RPA3: variants seen among roughly 807,000 people sequenced by gnomAD.
RPA3 encodes replication protein A3, also known as replication protein A 14 kDa subunit.
Under a neutral mutation model 13.7 loss-of-function variants are expected in RPA3, and 24 were observed. The ratio of observed to expected loss-of-function variants is 1.75; its 90% CI spans 1.27 to 2.46. The LOEUF (loss-of-function observed/expected upper bound fraction) is 2.46. RPA3 is among the 30% of genes most tolerant of loss of function. The pLI, the probability that RPA3 is intolerant of heterozygous loss-of-function variation, is 0.00. For synonymous variants in RPA3, 59 were observed against 51.2 expected (o/e 1.15, Z -0.65); for missense variants, 183 against 151.0 (o/e 1.21, Z -1.11).
chr7:7,689,017 T>TTAC (rs1293956127), intron 2 of RPA3, among the ~76,000 whole-genome samples: 1 of 152,206 alleles, frequency 6.6e-6, no homozygotes, highest in East Asian at 1.9e-4. Context: ...TAAGCCTGCC[T>TTAC]TACTCTGGGG....
At chr7:7,644,055 C>G (rs1452028606) in intron 4 of RPA3, among the ~76,000 whole-genome samples, 2 of 152,178 alleles carry the variant, frequency 1.3e-5, no homozygotes, top group Non-Finnish European at 2.9e-5. Context: ...AGTTTACTCT[C>G]TTACCTGGAG....
intron 4 of RPA3, among the ~76,000 whole-genome samples, chr7:7,682,965 A>G (rs372390858): frequency 5.4e-4 from 82 of 152,346 alleles, no homozygotes; most frequent in African/African-American, 1.9e-3. Flanking sequence ...CTGTTAATCT[A>G]GCAGCGTTTC....
intron 2 of RPA3, among the ~76,000 whole-genome samples, chr7:7,703,806 G>C (rs971668444): frequency 6.6e-6 from 1 of 152,124 alleles, no homozygotes; most frequent in Non-Finnish European, 1.5e-5. Context: ...AGGTAATGTG[G>C]TGGCGTGCCC....
intron 4 of RPA3, among the ~76,000 whole-genome samples, chr7:7,677,783 C>A (rs946352034): frequency 1.4e-5 from 2 of 147,930 alleles, no homozygotes; most frequent in African/African-American, 5.0e-5. Context: ...ACGCCATTCT[C>A]CTGCCTCAGC....
chr7:7,653,785 C>T (rs1785280663), intron 4 of RPA3, among the ~76,000 whole-genome samples: 1 of 152,114 alleles, frequency 6.6e-6, no homozygotes, highest in African/African-American at 2.4e-5. Context: ...GGTTTTGTCC[C>T]CTAGGAGACA....
At chr7:7,705,901 T>C (rs959886626) in intron 2 of RPA3, among the ~76,000 whole-genome samples, 6 of 152,244 alleles carry the variant, frequency 3.9e-5, no homozygotes, top group East Asian at 1.9e-4. Context: ...GCAGGAGTTA[T>C]ATGGGAATTC....
In RPA3 at chr7:7,694,181, C is replaced by G. The variant is rs552399599; in HGVS notation, c.-1027-6853G>C. Among the ~76,000 whole-genome samples, 17 of 152,196 alleles carry G rather than the reference C, an allele frequency of 1.1e-4. No individual in the cohort carries two copies. In the South Asian group the frequency reaches 3.3e-3, roughly 30 times the overall value. On this transcript the variant is annotated intron_variant, in intron 2 of 7. Transcript: ENST00000223129. Reference sequence around the variant, plus strand: ...GAATGAAGCATGTTTTCTTTTTCTCCTCATGACTAGTGATAATTGAGTATC... The same window carrying G: ...GAATGAAGCATGTTTTCTTTTTCTCGTCATGACTAGTGATAATTGAGTATC...
chr7:7,688,163 T>C (rs1025246841), intron 2 of RPA3, among the ~76,000 whole-genome samples: 2 of 152,196 alleles, frequency 1.3e-5, no homozygotes, highest in African/African-American at 4.8e-5. Context: ...ATTCCCTGCA[T>C]TACATCAGAT....
rs982379868 is a variant in RPA3 at position 7,642,685 on chromosome 7, A to G, written c.-757-1510T>C. On this transcript the variant is annotated intron_variant, in intron 4 of 7. Coordinates refer to ENST00000223129, the MANE Select transcript of RPA3 (RefSeq NM_002947.5). ...AAAAAAGTATAGCTAGCCGATTTGC[A>G]TAGTTTTGAGAGAAATGAAATGAAT... 5.9e-5 allele frequency among the ~76,000 whole-genome samples: 9 copies of G among 152,212 alleles called. 1 individual carries two copies. Among genetic ancestry groups the G allele is most frequent in the African/African-American group, 1.9e-4 (8 of 41,448 alleles).
chr7:7,690,779 G>A (rs925212283), intron 2 of RPA3, among the ~76,000 whole-genome samples: 7 of 152,114 alleles, frequency 4.6e-5, no homozygotes, highest in South Asian at 2.1e-4. Flanking sequence ...TATAGTGAAA[G>A]CATTCCCTTC....
intron 4 of RPA3, among the ~76,000 whole-genome samples, chr7:7,661,227 C>T (rs1309276222): frequency 6.6e-6 from 1 of 151,792 alleles, no homozygotes; most frequent in Non-Finnish European, 1.5e-5. Flanking sequence ...ACCTTTTTTT[C>T]CAAGGTTCTT....
At chr7:7,661,598 C>T (rs1785475728) in intron 4 of RPA3, among the ~76,000 whole-genome samples, 1 of 152,154 alleles carries the variant, frequency 6.6e-6, no homozygotes, top group African/African-American at 2.4e-5. Flanking sequence ...GCTGGAGGTC[C>T]AGTCGAGACC....
chr7:7,696,967 AC>A (rs1392621549), intron 2 of RPA3, among the ~76,000 whole-genome samples: 1 of 152,056 alleles, frequency 6.6e-6, no homozygotes, highest in African/African-American at 2.4e-5. Flanking sequence ...ACCAGCTATG[AC>A]CTAAGCTTAG....
chr7:7,701,392 CTA>C (rs67915012), intron 2 of RPA3, among the ~76,000 whole-genome samples: 5,773 of 152,218 alleles, frequency 0.038, 330 homozygotes, highest in African/African-American at 0.13. Context: ...TACAGACAAT[CTA>C]TGTGACATTT....
chr7:7,706,405 C>T (rs995350840), intron 2 of RPA3, among the ~76,000 whole-genome samples: 20 of 152,000 alleles, frequency 1.3e-4, no homozygotes, highest in Non-Finnish European at 2.8e-4. Flanking sequence ...CAGGAAATAC[C>T]AACAGAGCAT....
chr7:7,699,003 C>A (rs946740057), intron 2 of RPA3, among the ~76,000 whole-genome samples: 66 of 150,790 alleles, frequency 4.4e-4, no homozygotes, highest in African/African-American at 1.6e-3. Flanking sequence ...TACAGGAGTG[C>A]ACCATCATGC....
At chr7:7,674,905 C>G (rs980757489) in intron 4 of RPA3, among the ~76,000 whole-genome samples, 2 of 152,074 alleles carry the variant, frequency 1.3e-5, no homozygotes, top group Non-Finnish European at 2.9e-5. Flanking sequence ...TTCCAAAAAA[C>G]TCTTGTTTTC....
At chr7:7,683,961 G>A (rs1779977999) in intron 4 of RPA3, among the ~76,000 whole-genome samples, 1 of 152,064 alleles carries the variant, frequency 6.6e-6, no homozygotes, top group South Asian at 2.1e-4. Context: ...GTTTTCCCTT[G>A]GTATCTGTGG....
intron 4 of RPA3, among the ~76,000 whole-genome samples, chr7:7,662,057 C>A (rs186888965): frequency 1.3e-5 from 2 of 152,176 alleles, no homozygotes; most frequent in African/African-American, 4.8e-5. Flanking sequence ...CTTTGCTGAG[C>A]TGTGGAGGGC....
Sources: gnomAD v4.1 joint callset for allele counts (sites outside exome capture counted in the v4.1 genomes callset) on GRCh38, gnomAD v4.1.1 for gene constraint, MANE v1.5 for transcripts, NCBI Gene and HGNC (gene_info 2026-07-23, HGNC 2026-07-21) for gene names.